Variants in PRIM2 observed in about 807,000 individuals in gnomAD.
PRIM2 encodes DNA primase large subunit.
A neutral mutation model predicts 67.3 loss-of-function variants in PRIM2; 39 were observed. The ratio of observed to expected loss-of-function variants is 0.58; its 90% confidence interval spans 0.45 to 0.76. The LOEUF is 0.76. Ranked by LOEUF, PRIM2 falls within the 30% of genes least tolerant of loss-of-function variation. PRIM2 has a pLI of 0.00. For synonymous variants in PRIM2, 143 were observed against 198.7 expected (o/e 0.72, Z 2.36); for missense variants, 398 against 598.7 (o/e 0.66, Z 3.50).
At chr6:57,615,420 C>CAAAAAAAAAAAAAAAAAAAAA (rs1159988256) in intron 12 of PRIM2, among the ~76,000 whole-genome samples, 1 of 107,360 alleles carries the variant, frequency 9.3e-6, no homozygotes, top group African/African-American at 3.5e-5. Context: ...GATTCTGTCT[C>CAAAAAAAAAAAAAAAAAAAAA]AAAAAAAAAA....
intron 7 of PRIM2, among the ~76,000 whole-genome samples, chr6:57,426,790 A>G (rs1390295077): frequency 6.6e-6 from 1 of 152,184 alleles, no homozygotes; most frequent in African/African-American, 2.4e-5. Flanking sequence ...TATAGTTTTG[A>G]TTTTGTTCTT....
the PRIM2 span, among the ~76,000 whole-genome samples, chr6:57,305,743 T>G: frequency 6.6e-6 from 1 of 152,200 alleles, no homozygotes. Context: ...TTCAAGTAGA[T>G]TTTAGTCCAG....
intron 3 of PRIM2, among the ~76,000 whole-genome samples, chr6:57,322,581 C>T (rs770295425): frequency 2.0e-5 from 3 of 152,140 alleles, no homozygotes; most frequent in African/African-American, 4.8e-5. Flanking sequence ...TGAAGAAGGA[C>T]GTGTTTGTTT....
intron 7 of PRIM2, among the ~76,000 whole-genome samples, chr6:57,470,178 A>C (rs1773301432): frequency 6.6e-6 from 1 of 152,056 alleles, no homozygotes; most frequent in Non-Finnish European, 1.5e-5. Flanking sequence ...TTATCAGAAC[A>C]ATTTAAATTT....
intron 7 of PRIM2, among the ~76,000 whole-genome samples, chr6:57,399,502 C>T (rs1218236666): frequency 3.3e-5 from 5 of 152,162 alleles, no homozygotes; most frequent in Admixed American, 6.5e-5. Context: ...AGTAAACACA[C>T]GTGTGCATAT....
At chr6:57,325,527 C>T (rs552288070) in intron 4 of PRIM2, among the ~76,000 whole-genome samples, 4 of 152,186 alleles carry the variant, frequency 2.6e-5, no homozygotes, top group East Asian at 1.9e-4. Context: ...CTTCTGGGCT[C>T]GAGCAATCTG....
At chr6:57,453,546 C>G (rs992265834) in intron 7 of PRIM2, among the ~76,000 whole-genome samples, 2 of 152,094 alleles carry the variant, frequency 1.3e-5, no homozygotes, top group Non-Finnish European at 2.9e-5. Flanking sequence ...CTCTTTGAAG[C>G]AATTGTGAAT....
chr6:57,625,037 G>T (rs1378841105), intron 12 of PRIM2, among the ~76,000 whole-genome samples: 429 of 152,268 alleles, frequency 2.8e-3, no homozygotes, highest in Non-Finnish European at 4.5e-3. Flanking sequence ...CGAACAGTAT[G>T]GGGGAAACCG....
At chr6:57,331,991 G>A (rs900567099) in intron 5 of PRIM2, among the ~76,000 whole-genome samples, 3 of 150,840 alleles carry the variant, frequency 2.0e-5, no homozygotes, top group Non-Finnish European at 1.5e-5. Flanking sequence ...AGGAGTTTAG[G>A]GTATTTATCT....
intron 7 of PRIM2, among the ~76,000 whole-genome samples, chr6:57,405,619 C>A (rs1770862479): frequency 7.4e-6 from 1 of 134,826 alleles, no homozygotes; most frequent in Admixed American, 7.6e-5. Flanking sequence ...TGTGCCAGAG[C>A]AAGAATAAAT....
At chr6:57,633,516 ATC>A (rs1177218188) in intron 13 of PRIM2, among the ~76,000 whole-genome samples, 3 of 152,160 alleles carry the variant, frequency 2.0e-5, no homozygotes, top group Admixed American at 1.3e-4. Flanking sequence ...TTGATAAAAT[ATC>A]TCATAGGAAA....
At chr6:57,593,457 C>T (rs1161688444) in intron 10 of PRIM2, among the ~76,000 whole-genome samples, 3 of 152,110 alleles carry the variant, frequency 2.0e-5, no homozygotes, top group Non-Finnish European at 4.4e-5. Context: ...CATGCACCAC[C>T]ACACCCAGCT....
the PRIM2 span, among the ~76,000 whole-genome samples, chr6:57,289,720 A>C: frequency 6.6e-6 from 1 of 152,214 alleles, no homozygotes; most frequent in Admixed American, 6.5e-5. Flanking sequence ...TCATAAGTGA[A>C]GGAGAAATAA....
intron 4 of PRIM2, among the ~76,000 whole-genome samples, chr6:57,325,031 G>C (rs17704753): frequency 0.06 from 9,133 of 151,950 alleles, 373 homozygotes; most frequent in Admixed American, 0.1. Flanking sequence ...CATCCAGTAG[G>C]GTAATTATTT....
chr6:57,558,169 A>G (rs1422372333), intron 10 of PRIM2, among the ~76,000 whole-genome samples: 2 of 152,220 alleles, frequency 1.3e-5, no homozygotes, highest in Non-Finnish European at 2.9e-5. Flanking sequence ...TGGGATTGAT[A>G]TGAAGGTTAC....
chr6:57,438,586 C>T (rs1172069840), intron 7 of PRIM2, among the ~76,000 whole-genome samples: 1 of 152,080 alleles, frequency 6.6e-6, no homozygotes, highest in East Asian at 1.9e-4. Flanking sequence ...CATTTAAATA[C>T]TCTTGGAAAG....
At chr6:57,259,124 G>T in the PRIM2 span, among the ~76,000 whole-genome samples, 1 of 152,194 alleles carries the variant, frequency 6.6e-6, no homozygotes, top group African/African-American at 2.4e-5. Context: ...TAGAAGAAAG[G>T]TTGGAAAAAT....
At chr6:57,344,708 GTT>G (rs1295150702) in intron 5 of PRIM2, among the ~76,000 whole-genome samples, 3 of 152,144 alleles carry the variant, frequency 2.0e-5, no homozygotes, top group African/African-American at 7.2e-5. Context: ...ATGGAGAAAA[GTT>G]TATTAAGTTT....
At chr6:57,225,805 T>C in the PRIM2 span, among the ~76,000 whole-genome samples, 1 of 152,206 alleles carries the variant, frequency 6.6e-6, no homozygotes, top group Admixed American at 6.5e-5. Flanking sequence ...AATATAAGTC[T>C]GCATATACAT....
Sources: allele counts gnomAD v4.1 joint callset (sites outside exome capture counted in the v4.1 genomes callset), GRCh38; gene constraint gnomAD v4.1.1; transcripts MANE v1.5; gene names NCBI Gene and HGNC (gene_info 2026-07-23, HGNC 2026-07-21).